The following INTS6 variants were observed in gnomAD, a reference collection of about 807,000 sequenced individuals.
INTS6 encodes the protein DEAD box protein.
INTS6 carries 16 observed loss-of-function variants against 104.9 expected under a neutral mutation model. That is an observed-to-expected ratio of 0.15 (90% CI 0.10 to 0.23). The LOEUF is 0.23. Among genes scored for constraint, INTS6 ranks in the 10% least tolerant of loss-of-function variants. The pLI, the probability that INTS6 is intolerant of heterozygous loss-of-function variation, is 1.00. For missense variants in INTS6, 584 were observed against 1,062.8 expected (o/e 0.55, Z 6.26); for synonymous variants, 324 against 358.7 (o/e 0.90, Z 1.09).
intron 4 of INTS6, among the ~76,000 whole-genome samples, chr13:51,415,812 A>ATGAAC (rs1344178973): frequency 6.6e-6 from 1 of 152,224 alleles, no homozygotes; most frequent in Non-Finnish European, 1.5e-5. Context: ...TTCTGTGCAG[A>ATGAAC]TGAACACGGA....
intron 5 of INTS6, among the ~76,000 whole-genome samples, chr13:51,390,906 C>G (rs1956235633): frequency 6.6e-6 from 1 of 151,902 alleles, no homozygotes; most frequent in South Asian, 2.1e-4. Context: ...GTTATTTTCC[C>G]CATTTTACAA....
intron 5 of INTS6, among the ~76,000 whole-genome samples, chr13:51,392,960 ATATAT>A (rs930846522): frequency 1.3e-5 from 2 of 152,180 alleles, no homozygotes; most frequent in African/African-American, 2.4e-5. Flanking sequence ...ATAGAAAGAA[ATATAT>A]TATTATTTTG....
chr13:51,404,516 T>G (rs1341531717), intron 4 of INTS6, among the ~76,000 whole-genome samples: 1 of 151,996 alleles, frequency 6.6e-6, no homozygotes, highest in Non-Finnish European at 1.5e-5. Context: ...CCTGACACCT[T>G]GAACAAGGTG....
chr13:51,339,339 T>C, the INTS6 span: 1 of 152,228 alleles, frequency 6.6e-6, no homozygotes, highest in Non-Finnish European at 1.5e-5. Context: ...AGGTACCTGG[T>C]ACCCAGCAAA....
chr13:51,376,836 C>T lies in INTS6; in HGVS notation c.1603-662G>A, dbSNP rs533073928. Among the ~76,000 whole-genome samples, 78 of 152,264 alleles carry T rather than the reference C, an allele frequency of 5.1e-4. No homozygotes were observed. The South Asian group carries it at 0.011, about 21-fold the overall frequency. On this transcript the variant is annotated intron_variant, in intron 12 of 17. Coordinates refer to ENST00000311234, the MANE Select transcript of INTS6 (RefSeq NM_012141.3). Reference sequence around the variant, plus strand: ...AGTAGTAGTCTATTATATGGACACACCACATCTTCTTTATCTATTCACCAG... The same window carrying T: ...AGTAGTAGTCTATTATATGGACACATCACATCTTCTTTATCTATTCACCAG...
rs527549154 is a variant in INTS6 at position 51,408,175 on chromosome 13, C to T, written c.430-12692G>A. Among the ~76,000 whole-genome samples, 22 of 147,490 alleles carry T rather than the reference C, an allele frequency of 1.5e-4. No individual in the cohort carries two copies. The East Asian group carries it at 3.8e-3, about 25-fold the overall frequency. On this transcript the variant is annotated intron_variant, in intron 4 of 17. Transcript: ENST00000311234. ...TTTTTTTTTTTGAAATGGAGTTTCG[C>T]TCTTGTTGCCCAGGCTGGAGTGCAG...
chr13:51,428,417 T>C (rs1448124415), intron 4 of INTS6, among the ~76,000 whole-genome samples: 1 of 151,154 alleles, frequency 6.6e-6, no homozygotes, highest in Non-Finnish European at 1.5e-5. Context: ...CTCCACCTCC[T>C]GGGTTCAAGT....
chr13:51,370,148 A>T (rs1329101834), intron 15 of INTS6, among the ~76,000 whole-genome samples: 1 of 152,118 alleles, frequency 6.6e-6, no homozygotes, highest in African/African-American at 2.4e-5. Context: ...ATGATTTGCA[A>T]ACTCCTCTTT....
In INTS6 at chr13:51,452,365, CCCGCGGG is replaced by C. The variant is rs1566259816; in HGVS notation, c.111+43_111+49del. The C allele has an allele frequency of 2.0e-6, 3 of 1,470,066 alleles. No individual in the cohort carries two copies. In the South Asian group the frequency reaches 3.8e-5, roughly 19 times the overall value. The allele number at this position is 1,470,066 out of a possible 1,614,324, so 91.1% of individuals were successfully genotyped here. Reference sequence around the variant, plus strand: ...CCGGCCGCCCTCCCCCACCCTGCCGCCCGCGGGCCGCCGGGCCGGGGTCGCCGCCCGG... The same window carrying C: ...CCGGCCGCCCTCCCCCACCCTGCCGCCCGCCGGGCCGGGGTCGCCGCCCGG... On this transcript the variant is annotated intron_variant, in intron 1 of 17. Transcript: ENST00000311234. The surrounding 1 kb of genome is among the most constrained non-coding windows in gnomAD (Gnocchi z 4.2).
In INTS6 at chr13:51,395,388, C is replaced by T. The variant is rs369892481; in HGVS notation, c.525G>A (p.Leu175=). ...DQRLFALVLR[L]PGTMSVESEQ... ...CTGATTCTACTGACATGGTGCCAGG[C>T]AACCGCAACACTAATGCAAAGAGTC... is the stretch of plus-strand genomic sequence containing the variant. Residue 175 remains leucine, a synonymous_variant, in exon 5 of 18, where the codon TTG becomes TTA. Transcript: ENST00000311234. 3.7e-5 allele frequency: 59 copies of T among 1,613,882 alleles called. No individual in the cohort carries two copies. Among genetic ancestry groups the T allele is most frequent in the Non-Finnish European group, 5.0e-5 (59 of 1,179,924 alleles).
At chr13:51,336,234 TC>T in the INTS6 span, among the ~76,000 whole-genome samples, 5 of 152,186 alleles carry the variant, frequency 3.3e-5, no homozygotes, top group Admixed American at 2.0e-4. Context: ...ACGCTTGTAA[TC>T]CCAGCACTTT....
chr13:51,395,687 G>C (rs963381882), intron 4 of INTS6, among the ~76,000 whole-genome samples: 1 of 152,138 alleles, frequency 6.6e-6, no homozygotes, highest in African/African-American at 2.4e-5. Flanking sequence ...TGAAGATATA[G>C]ACTGAAAAAA....
At chr13:51,411,381 C>T (rs577187461) in intron 4 of INTS6, among the ~76,000 whole-genome samples, 5 of 151,284 alleles carry the variant, frequency 3.3e-5, no homozygotes, top group East Asian at 1.9e-4. Flanking sequence ...TGGTGAAACC[C>T]GTCTCTACTA....
intron 4 of INTS6, among the ~76,000 whole-genome samples, chr13:51,405,875 T>C (rs908947944): frequency 2.6e-5 from 4 of 152,182 alleles, no homozygotes; most frequent in African/African-American, 7.2e-5. Context: ...AATAATAAAC[T>C]GTTGTTTTAA....
At chr13:51,342,032 G>C in the INTS6 span, among the ~76,000 whole-genome samples, 1 of 152,034 alleles carries the variant, frequency 6.6e-6, no homozygotes, top group South Asian at 2.1e-4. Flanking sequence ...TCGAATGCCA[G>C]GTCAGCTTCC....
chr13:51,354,112 T>C (rs1955442757), exon 4 of INTS6: 1 of 152,180 alleles, frequency 6.6e-6, no homozygotes, highest in Admixed American at 6.5e-5. Flanking sequence ...AAACACTCTA[T>C]TAAATAAAAT....
chr13:51,346,927 C>T, the INTS6 span: 93 of 823,606 alleles, frequency 1.1e-4, no homozygotes, highest in African/African-American at 1.2e-3. Flanking sequence ...CCTGCATTTT[C>T]GCATTTTAAC....
At chr13:51,361,342 C>T, downstream of INTS6, 1 of 1,608,990 alleles carries the variant, frequency 6.2e-7, no homozygotes, top group Non-Finnish European at 8.5e-7. Context: ...TGGAGGAAGG[C>T]ACCAAGGCAT....
At chr13:51,395,570 G>T in intron 4 of INTS6, 87 bp from the exon 5 acceptor site, 1 of 1,127,582 alleles carries the variant, frequency 8.9e-7, no homozygotes, top group Non-Finnish European at 1.2e-6. Context: ...CGTTAGAACT[G>T]CATCAACTCT....
Sources: allele counts gnomAD v4.1 joint callset (sites outside exome capture counted in the v4.1 genomes callset), GRCh38; gene constraint gnomAD v4.1.1; non-coding constraint Gnocchi (gnomAD v3.1); transcripts MANE v1.5; gene names NCBI Gene and HGNC (gene_info 2026-07-23, HGNC 2026-07-21).